RANBP2: variants seen among roughly 807,000 people sequenced by gnomAD.
The protein encoded by RANBP2 is RAN binding protein 2, also known as E3 SUMO-protein ligase RanBP2.
A neutral mutation model predicts 303.6 loss-of-function variants in RANBP2; 57 were observed. The ratio of observed to expected loss-of-function variants is 0.19; its 90% confidence interval spans 0.15 to 0.23. RANBP2 has a LOEUF of 0.23. RANBP2 is among the 10% of genes least tolerant of loss of function. RANBP2 has a pLI of 1.00. For missense variants in RANBP2, 3,138 were observed against 3,780.8 expected, an observed-to-expected ratio of 0.83 and a Z score of 4.46; for synonymous variants, 1,167 against 1,301.5, an observed-to-expected ratio of 0.90 and a Z score of 2.23.
chr2:108,838,530 G>A, the RANBP2 span, among the ~76,000 whole-genome samples: 1 of 152,262 alleles, frequency 6.6e-6, no homozygotes, highest in Non-Finnish European at 1.5e-5. Context: ...TGGTATCTCA[G>A]AAGTGGGAGT....
At chr2:109,305,059 G>A in the RANBP2 span, among the ~76,000 whole-genome samples, 47,273 of 152,072 alleles carry the variant, frequency 0.31, 9,069 homozygotes, top group African/African-American at 0.54. Context: ...GCGGTTCCCC[G>A]TCTGAATGTT....
At chr2:109,259,973 T>C in the RANBP2 span, among the ~76,000 whole-genome samples, 137 of 152,292 alleles carry the variant, frequency 9.0e-4, 1 homozygote, top group Middle Eastern at 3.4e-3. Flanking sequence ...GGGGTTTTCT[T>C]TGCTTAGGTT....
the RANBP2 span, among the ~76,000 whole-genome samples, chr2:109,033,632 T>C: frequency 1.3e-5 from 2 of 152,282 alleles, no homozygotes; most frequent in East Asian, 3.9e-4. Flanking sequence ...TCTGGATGTG[T>C]TGATCTGGTG....
the RANBP2 span, among the ~76,000 whole-genome samples, chr2:109,448,273 T>C: frequency 6.6e-6 from 1 of 152,210 alleles, no homozygotes; most frequent in East Asian, 1.9e-4. Context: ...AAACCATATT[T>C]TCAAAATTTT....
At chr2:109,009,702 C>CTTTTTTTTTTTTTTTTTTTTTTTTTTTT in the RANBP2 span, among the ~76,000 whole-genome samples, 4 of 123,126 alleles carry the variant, frequency 3.2e-5, 2 homozygotes, top group Non-Finnish European at 6.7e-5. Context: ...ACATTTTTAC[C>CTTTTTTTTTTTTTTTTTTTTTTTTTTTT]TTTTTTTTGT....
the RANBP2 span, among the ~76,000 whole-genome samples, chr2:108,951,755 G>T: frequency 6.6e-6 from 1 of 151,830 alleles, no homozygotes; most frequent in Non-Finnish European, 1.5e-5. Context: ...GGTTCTCTTA[G>T]ATCTATGATA....
the RANBP2 span, among the ~76,000 whole-genome samples, chr2:108,986,187 C>A: frequency 3.3e-5 from 5 of 152,140 alleles, no homozygotes; most frequent in African/African-American, 7.2e-5. Context: ...ACTAGACTAT[C>A]TTAGACTGAA....
the RANBP2 span, among the ~76,000 whole-genome samples, chr2:109,577,638 G>A: frequency 6.6e-6 from 1 of 151,134 alleles, no homozygotes; most frequent in Non-Finnish European, 1.5e-5. Context: ...AACTCGGTCG[G>A]ATAGTGGCTC....
the RANBP2 span, among the ~76,000 whole-genome samples, chr2:109,498,106 C>A: frequency 5.3e-5 from 8 of 152,188 alleles, no homozygotes; most frequent in Non-Finnish European, 1.0e-4. Context: ...GAAGCCCTCA[C>A]AGAGACGCTG....
chr2:108,910,757 G>A, the RANBP2 span: 1 of 1,612,240 alleles, frequency 6.2e-7, no homozygotes, highest in Non-Finnish European at 8.5e-7. Context: ...ATGGTGTGTG[G>A]AAGCCCTGGT....
chr2:109,441,125 A>G, the RANBP2 span, among the ~76,000 whole-genome samples: 5 of 117,150 alleles, frequency 4.3e-5, no homozygotes, highest in Non-Finnish European at 9.3e-5. Context: ...GAATATTTAT[A>G]GGAATACAAA....
At chr2:109,288,917 G>A in the RANBP2 span, among the ~76,000 whole-genome samples, 1 of 152,202 alleles carries the variant, frequency 6.6e-6, no homozygotes, top group South Asian at 2.1e-4. Flanking sequence ...ATAAGAGATT[G>A]CATCTTGACT....
the RANBP2 span, among the ~76,000 whole-genome samples, chr2:109,338,985 G>A: frequency 5.9e-5 from 9 of 152,258 alleles, no homozygotes; most frequent in Non-Finnish European, 1.5e-5. Flanking sequence ...AGAATAAAGC[G>A]AGCTAGAGAA....
At chr2:109,038,351 C>T in the RANBP2 span, among the ~76,000 whole-genome samples, 1 of 152,144 alleles carries the variant, frequency 6.6e-6, no homozygotes, top group East Asian at 1.9e-4. Context: ...AACTTTTGCT[C>T]TGGCCAAGTG....
chr2:109,515,957 A>C, the RANBP2 span, among the ~76,000 whole-genome samples: 1 of 152,188 alleles, frequency 6.6e-6, no homozygotes. Context: ...TAGGGATTGC[A>C]TTTCCACCTG....
Position 108,743,224 on chromosome 2 carries a change from C to A in RANBP2, c.975+2543C>A, listed in dbSNP as rs826563. ...AACGTTGAACTGGGCTCAAGCTTCCCAGAGTGCTGGGATTGTAGGTGTGAG... is the reference window on the plus strand; with the variant it reads ...AACGTTGAACTGGGCTCAAGCTTCCAAGAGTGCTGGGATTGTAGGTGTGAG... On this transcript the variant is annotated intron_variant, in intron 7 of 28. Coordinates refer to ENST00000283195, the MANE Select transcript of RANBP2 (RefSeq NM_006267.5). Among the ~76,000 whole-genome samples the A allele has an allele frequency of 1.5e-3, 221 of 152,146 alleles. 2 individuals are homozygous for A. The highest frequency in any genetic ancestry group is 5.1e-3 in the African/African-American group (212 of 41,472).
chr2:109,491,058 A>G, the RANBP2 span: 4 of 923,132 alleles, frequency 4.3e-6, no homozygotes, highest in East Asian at 1.2e-4. Flanking sequence ...GATGTACCTC[A>G]ACACCCAGAT....
At chr2:108,878,389 C>G in the RANBP2 span, 1 of 214,324 alleles carries the variant, frequency 4.7e-6, no homozygotes, top group African/African-American at 2.3e-5. Context: ...CCAGTGCATT[C>G]AGATGAAAAC....
chr2:109,251,584 A>C, the RANBP2 span: 1 of 921,164 alleles, frequency 1.1e-6, no homozygotes, highest in Non-Finnish European at 1.8e-6. Context: ...TGGGCAACAG[A>C]ACAATATTGG....
Sources: allele counts gnomAD v4.1 joint callset (sites outside exome capture counted in the v4.1 genomes callset), GRCh38; gene constraint gnomAD v4.1.1; transcripts MANE v1.5; gene names NCBI Gene and HGNC (gene_info 2026-07-23, HGNC 2026-07-21).